The following TNRC6A variants were observed in gnomAD, a reference collection of about 807,000 sequenced individuals.
TNRC6A encodes the protein trinucleotide repeat containing adaptor 6A, also known as trinucleotide repeat-containing gene 6A protein.
TNRC6A carries 44 observed loss-of-function variants against 221.2 expected under a neutral mutation model. The observed-to-expected ratio is 0.20, with a 90% CI of 0.16 to 0.26. The LOEUF (loss-of-function observed/expected upper bound fraction) is 0.26, where lower values mean the gene tolerates loss of function less well. Among genes scored for constraint, TNRC6A ranks in the 10% least tolerant of loss-of-function variants. TNRC6A has a pLI of 1.00. For missense variants in TNRC6A, 2,199 were observed against 2,404.4 expected, an observed-to-expected ratio of 0.91 and a Z score of 1.79; for synonymous variants, 847 against 838.5, an observed-to-expected ratio of 1.01 and a Z score of -0.18.
chr16:24,657,328 A>C (rs1421463675), intron 2 of TNRC6A, among the ~76,000 whole-genome samples: 5 of 148,096 alleles, frequency 3.4e-5, no homozygotes, highest in East Asian at 2.0e-4. Context: ...AAAAAAAAAA[A>C]AAAAAAAAAA....
At position 24,710,582 on chromosome 16, in the gene TNRC6A, T is replaced by G. The variant is rs535539019; in HGVS notation, n.403-40144T>G. ...CTTCTTATTGCATCCTACTAAGCAG[T>G]GCTAGATTTCATTTGTTCCAATCCT... On this transcript the variant is annotated intron_variant and non_coding_transcript_variant, in intron 2 of 2. Transcript: ENST00000566108. Among the ~76,000 whole-genome samples, 179 of 152,320 alleles carry G rather than the reference T, an allele frequency of 1.2e-3. 1 individual carries two copies. The highest frequency in any genetic ancestry group is 4.1e-3 in the African/African-American group (169 of 41,582).
intron 1 of TNRC6A, among the ~76,000 whole-genome samples, chr16:24,637,371 GGCGTTC>G (rs1484975992): frequency 1.3e-5 from 2 of 152,158 alleles, no homozygotes; most frequent in East Asian, 3.8e-4. Context: ...TGGGCAGCCT[GGCGTTC>G]CCTCCACCCA....
At chr16:24,725,816 A>C (rs889300498), upstream of TNRC6A, among the ~76,000 whole-genome samples, 2 of 151,984 alleles carry the variant, frequency 1.3e-5, no homozygotes, top group African/African-American at 4.8e-5. Context: ...CCTGGCCAAC[A>C]TGGTGAAACC....
At chr16:24,652,363 A>G (rs1016111807) in intron 2 of TNRC6A, among the ~76,000 whole-genome samples, 1 of 152,200 alleles carries the variant, frequency 6.6e-6, no homozygotes, top group Non-Finnish European at 1.5e-5. Flanking sequence ...TAATTCTCCA[A>G]AAAGAAGATA....
chr16:24,656,993 G>A (rs984280894), intron 2 of TNRC6A, among the ~76,000 whole-genome samples: 1 of 152,176 alleles, frequency 6.6e-6, no homozygotes, highest in East Asian at 1.9e-4. Flanking sequence ...ACCATGACCT[G>A]GGTCTTTGAT....
At chr16:24,621,214 T>C (rs1027213537) in intron 1 of TNRC6A, among the ~76,000 whole-genome samples, 4 of 151,914 alleles carry the variant, frequency 2.6e-5, no homozygotes, top group Admixed American at 2.0e-4. Flanking sequence ...CTTAAGCATT[T>C]CACAAATTTG....
chr16:24,734,740 TAA>T (rs2056724905), intron 2 of TNRC6A, among the ~76,000 whole-genome samples: 1 of 152,242 alleles, frequency 6.6e-6, no homozygotes, highest in Non-Finnish European at 1.5e-5. Flanking sequence ...TTTTTTATTC[TAA>T]AAGAGTAAAA....
chr16:24,761,733 A>AT (rs1326421040), intron 4 of TNRC6A, among the ~76,000 whole-genome samples: 4 of 151,652 alleles, frequency 2.6e-5, no homozygotes, highest in Non-Finnish European at 4.4e-5. Context: ...ATCATGCTAC[A>AT]TTACCCAGGC....
chr16:24,646,760 T>C (rs919398893), intron 2 of TNRC6A, among the ~76,000 whole-genome samples: 1 of 152,200 alleles, frequency 6.6e-6, no homozygotes, highest in Non-Finnish European at 1.5e-5. Context: ...TTTGAATAAA[T>C]ATACCCAGGC....
Position 24,793,576 on chromosome 16 carries a change from A to G in TNRC6A, c.3279A>G (p.Glu1093=), listed in dbSNP as rs745874540. ...TAGACAGTGGTCCCAGCTGGGGGGA[A>G]CCCATTGCTGCGGCATCCAGCACAT... ...KPIDSGPSWG[E]PIAAASSTST... is the part of the protein sequence containing the mutation. The change falls in exon 7 of 25, where the codon GAA becomes GAG. Residue 1093 remains glutamate (E), a synonymous_variant. Transcript: ENST00000395799. 37 of 1,567,324 alleles carry G rather than the reference A, an allele frequency of 2.4e-5. No homozygotes were observed. The Admixed American group carries it at 4.9e-4, about 21-fold the overall frequency.
At chr16:24,732,664 T>C (rs1230059324) in intron 2 of TNRC6A, among the ~76,000 whole-genome samples, 1 of 152,218 alleles carries the variant, frequency 6.6e-6, no homozygotes, top group Non-Finnish European at 1.5e-5. Flanking sequence ...GCAATACTTC[T>C]AGATCAGTTT....
intron 1 of TNRC6A, among the ~76,000 whole-genome samples, chr16:24,631,966 C>T (rs1901364835): frequency 6.6e-6 from 1 of 151,782 alleles, no homozygotes; most frequent in Non-Finnish European, 1.5e-5. Flanking sequence ...TCAAGGGATC[C>T]TCCTATCTCA....
Position 24,790,836 on chromosome 16 carries a change from A to G in TNRC6A, c.2194A>G (p.Thr732Ala). 1 of 1,614,186 alleles carries G rather than the reference A, an allele frequency of 6.2e-7. No homozygotes were observed. Among genetic ancestry groups the G allele is most frequent in the Non-Finnish European group, 8.5e-7 (1 of 1,180,042 alleles). The change falls in exon 6 of 25, where the codon ACT (threonine) becomes GCT (alanine). Residue 732 changes from threonine to alanine, a missense_variant. By Grantham distance (58) the Thr-to-Ala change is moderately conservative. This residue lies in a region of TNRC6A where 1,405 missense variants were observed against 1,400.2 expected (regional missense o/e 1.00). Transcript: ENST00000395799. ...GWGQTPIKQN[T>A]AWDTETSPRG... ...GGGACAGACTCCTATTAAGCAGAAT[A>G]CTGCCTGGGATACAGAAACATCACC...
At chr16:24,792,268 A>G (rs2058118737) in intron 6 of TNRC6A, among the ~76,000 whole-genome samples, 1 of 152,170 alleles carries the variant, frequency 6.6e-6, no homozygotes, top group Non-Finnish European at 1.5e-5. Flanking sequence ...TAGATACAGT[A>G]TATATGTTTG....
chr16:24,614,703 A>G (rs1338104031), intron 1 of TNRC6A, among the ~76,000 whole-genome samples: 2 of 152,196 alleles, frequency 1.3e-5, no homozygotes, highest in African/African-American at 4.8e-5. Flanking sequence ...GCAAGGCAAG[A>G]GCACATGCAA....
intron 2 of TNRC6A, among the ~76,000 whole-genome samples, chr16:24,674,934 T>G (rs1383207319): frequency 6.6e-6 from 1 of 151,790 alleles, no homozygotes; most frequent in African/African-American, 2.4e-5. Context: ...AACCCAGGAG[T>G]TCAAGACTAG....
chr16:24,621,939 G>C (rs1900696577), intron 1 of TNRC6A, among the ~76,000 whole-genome samples: 1 of 152,180 alleles, frequency 6.6e-6, no homozygotes, highest in African/African-American at 2.4e-5. Context: ...GGAAAGCAAG[G>C]CTATGAGTAT....
Position 24,789,973 on chromosome 16 carries a change from A to C in TNRC6A, c.1331A>C (p.Gln444Pro). 6.2e-7 allele frequency: 1 copy of C among 1,614,196 alleles called. No individual in the cohort carries two copies. The change falls in exon 6 of 25, where the codon CAA becomes CCA. Residue 444 changes from glutamine (Q) to proline (P), a missense_variant. Gln to Pro is a moderately conservative substitution (Grantham distance 76). Around this residue, in one of 8 missense-constraint regions of TNRC6A, gnomAD observed 1,405 missense variants for 1,400.2 expected, o/e 1.00. Transcript: ENST00000395799. ...AAGGTTTCATTCAGTGGTCAACCTC[A>C]AAATATTACCACTGAAATGACTGGA... ...TQKVSFSGQPQNITTEMTGPN... is the reference protein window; with the variant it reads ...TQKVSFSGQPPNITTEMTGPN...
At chr16:24,775,056 T>C (rs868712520) in intron 4 of TNRC6A, among the ~76,000 whole-genome samples, 1 of 152,220 alleles carries the variant, frequency 6.6e-6, no homozygotes, top group Admixed American at 6.5e-5. Flanking sequence ...GCCTGTACTT[T>C]ATCTTCCTTA....
Sources: allele counts gnomAD v4.1 joint callset (sites outside exome capture counted in the v4.1 genomes callset), GRCh38; gene constraint gnomAD v4.1.1; regional missense constraint gnomAD v4.1.1; transcripts MANE v1.5; gene names NCBI Gene and HGNC (gene_info 2026-07-23, HGNC 2026-07-21).